Variants in GABRB1 observed in about 807,000 individuals in gnomAD.
The protein encoded by GABRB1 is gamma-aminobutyric acid type A receptor subunit beta1, also known as gamma-aminobutyric acid receptor subunit beta-1.
In GABRB1, 17 loss-of-function variants were observed where a neutral mutation model predicts 51.6. The observed-to-expected ratio is 0.33, with a 90% CI of 0.23 to 0.49. The LOEUF (loss-of-function observed/expected upper bound fraction) is 0.49. Ranked by LOEUF, GABRB1 falls within the 20% of genes least tolerant of loss-of-function variation. GABRB1 has a pLI of 0.99. For synonymous variants in GABRB1, 247 were observed against 218.9 expected (o/e 1.13, Z -1.14); for missense variants, 410 against 600.6 (o/e 0.68, Z 3.32).
intron 4 of GABRB1, among the ~76,000 whole-genome samples, chr4:47,218,078 ACATATGGTATTTGT>A (rs1331312185): frequency 2.0e-5 from 3 of 151,904 alleles, no homozygotes; most frequent in African/African-American, 7.2e-5. Context: ...ATGAGTGAGA[ACATATGGTATTTGT>A]CTTTCTGTGC....
intron 3 of GABRB1, among the ~76,000 whole-genome samples, chr4:47,113,159 G>A (rs1333340410): frequency 6.6e-6 from 1 of 152,108 alleles, no homozygotes; most frequent in East Asian, 1.9e-4. Flanking sequence ...GCCAAGGTGG[G>A]CAGATCACCA....
intron 4 of GABRB1, among the ~76,000 whole-genome samples, chr4:47,222,047 A>G (rs1720787794): frequency 6.6e-6 from 1 of 152,076 alleles, no homozygotes; most frequent in Admixed American, 6.6e-5. Context: ...ATAATGCAAA[A>G]ATGTGAAAAA....
chr4:47,269,297 C>T (rs1722762802), intron 4 of GABRB1, among the ~76,000 whole-genome samples: 1 of 152,194 alleles, frequency 6.6e-6, no homozygotes, highest in Non-Finnish European at 1.5e-5. Context: ...TGAAACAGCA[C>T]TTTTCATTAT....
chr4:47,178,914 A>G (rs561764272), intron 4 of GABRB1, among the ~76,000 whole-genome samples: 4 of 152,208 alleles, frequency 2.6e-5, no homozygotes, highest in African/African-American at 4.8e-5. Flanking sequence ...CTCCATCCTT[A>G]TTGGCAAGAA....
intron 4 of GABRB1, among the ~76,000 whole-genome samples, chr4:47,299,726 C>A (rs1232395280): frequency 6.6e-6 from 1 of 152,042 alleles, no homozygotes; most frequent in Non-Finnish European, 1.5e-5. Flanking sequence ...TTGACCCAGC[C>A]ATCCCATTAC....
At chr4:47,351,876 G>A in intron 5 of GABRB1, among the ~76,000 whole-genome samples, 1 of 151,984 alleles carries the variant, frequency 6.6e-6, no homozygotes, top group Non-Finnish European at 1.5e-5. Context: ...ACATACGTGT[G>A]CATGTGTCTT....
chr4:46,999,295 T>G (rs1724107006), intron 1 of GABRB1, among the ~76,000 whole-genome samples: 1 of 152,170 alleles, frequency 6.6e-6, no homozygotes, highest in East Asian at 1.9e-4. Context: ...TCAAGACTGA[T>G]AAGGGACTAA....
intron 4 of GABRB1, among the ~76,000 whole-genome samples, chr4:47,235,847 C>T (rs1721312729): frequency 6.6e-6 from 1 of 152,036 alleles, no homozygotes; most frequent in South Asian, 2.1e-4. Context: ...AACACAATTG[C>T]AATTTATTAA....
intron 1 of GABRB1, among the ~76,000 whole-genome samples, chr4:47,004,218 A>G (rs565458648): frequency 5.3e-5 from 8 of 152,078 alleles, no homozygotes; most frequent in Non-Finnish European, 1.2e-4. Flanking sequence ...CGATCTCCTT[A>G]CCTTGTGATC....
chr4:47,151,728 G>T (rs1306753726), intron 3 of GABRB1, among the ~76,000 whole-genome samples: 2 of 152,106 alleles, frequency 1.3e-5, no homozygotes, highest in Non-Finnish European at 1.5e-5. Context: ...AAAATCTATT[G>T]TGTCATATTC....
intron 3 of GABRB1, among the ~76,000 whole-genome samples, chr4:47,060,557 A>C (rs772804443): frequency 1.8e-4 from 28 of 152,200 alleles, no homozygotes; most frequent in Non-Finnish European, 4.0e-4. Flanking sequence ...GATAGTTTGC[A>C]GTATGATAGA....
chr4:47,030,900 C>CTTTG (rs934520865), upstream of GABRB1, among the ~76,000 whole-genome samples: 21 of 152,124 alleles, frequency 1.4e-4, 1 homozygote, highest in African/African-American at 4.3e-4. Flanking sequence ...CTGCTGGATC[C>CTTTG]TTTGTTTCCC....
intron 4 of GABRB1, among the ~76,000 whole-genome samples, chr4:47,294,376 A>G (rs529134494): frequency 1.3e-3 from 197 of 152,308 alleles, no homozygotes; most frequent in African/African-American, 4.5e-3. Flanking sequence ...GACAGATGGC[A>G]CCTGGAAAAT....
At chr4:47,073,364 A>G (rs774094558) in intron 3 of GABRB1, among the ~76,000 whole-genome samples, 13 of 152,172 alleles carry the variant, frequency 8.5e-5, no homozygotes, top group Admixed American at 6.5e-5. Context: ...TGCTTATTCT[A>G]TTTACTTGAG....
chr4:47,223,314 G>A lies in GABRB1; in HGVS notation c.461+61845G>A, dbSNP rs1264006248. ...AGTATTTTTCATTTGTTATGGGAGT[G>A]TGTATGTGCGATGAAAGATGTGGCA... is the stretch of plus-strand genomic sequence containing the variant. On this transcript the variant is annotated intron_variant, in intron 4 of 8. Transcript: ENST00000295454. 7.2e-5 allele frequency among the ~76,000 whole-genome samples: 11 copies of A among 152,040 alleles called. No homozygotes were observed. The South Asian group carries it at 1.9e-3, about 26-fold the overall frequency.
intron 4 of GABRB1, among the ~76,000 whole-genome samples, chr4:47,167,227 A>C (rs889093962): frequency 2.0e-5 from 3 of 152,118 alleles, no homozygotes; most frequent in African/African-American, 7.2e-5. Flanking sequence ...AATTATCACT[A>C]TTAATGACCA....
chr4:47,027,921 A>G (rs979719940), upstream of GABRB1, among the ~76,000 whole-genome samples: 1 of 151,704 alleles, frequency 6.6e-6, no homozygotes, highest in Admixed American at 6.6e-5. Context: ...ATCCAATAAC[A>G]TATTATATTA....
intron 3 of GABRB1, among the ~76,000 whole-genome samples, chr4:47,061,865 A>G (rs1018395182): frequency 6.6e-6 from 1 of 151,992 alleles, no homozygotes; most frequent in Non-Finnish European, 1.5e-5. Context: ...CCTCAGGTGA[A>G]TTTTTTATAT....
At chr4:47,047,203 A>G (rs967464482) in intron 3 of GABRB1, among the ~76,000 whole-genome samples, 2 of 152,116 alleles carry the variant, frequency 1.3e-5, no homozygotes, top group African/African-American at 4.8e-5. Context: ...TAAATAAATA[A>G]TCTGTAGCAG....
Sources: gnomAD v4.1 joint callset for allele counts (sites outside exome capture counted in the v4.1 genomes callset) on GRCh38, gnomAD v4.1.1 for gene constraint, MANE v1.5 for transcripts, NCBI Gene and HGNC (gene_info 2026-07-23, HGNC 2026-07-21) for gene names.